The following PRIM2 variants were observed in gnomAD, a reference collection of about 807,000 sequenced individuals.
PRIM2 encodes the protein DNA primase subunit 2.
PRIM2 carries 39 observed loss-of-function variants against 67.3 expected under a neutral mutation model. The observed-to-expected ratio is 0.58, with a 90% CI of 0.45 to 0.76. The LOEUF (loss-of-function observed/expected upper bound fraction) is 0.76, where lower values mean the gene tolerates loss of function less well. Among genes scored for constraint, PRIM2 ranks in the 30% least tolerant of loss-of-function variants. PRIM2 has a pLI of 0.00. For missense variants in PRIM2, 398 were observed against 598.7 expected, an observed-to-expected ratio of 0.66 and a Z score of 3.50; for synonymous variants, 143 against 198.7, an observed-to-expected ratio of 0.72 and a Z score of 2.36.
chr6:57,608,375 A>G (rs1776598640), intron 12 of PRIM2, among the ~76,000 whole-genome samples: 1 of 152,166 alleles, frequency 6.6e-6, no homozygotes, highest in Non-Finnish European at 1.5e-5. Context: ...AATGGTGGAA[A>G]CCAAAAGCAA....
chr6:57,425,147 G>A (rs72873516), intron 7 of PRIM2, among the ~76,000 whole-genome samples: 5 of 152,128 alleles, frequency 3.3e-5, no homozygotes, highest in East Asian at 3.9e-4. Flanking sequence ...ATTATGCAGC[G>A]TGTATTTAAA....
In PRIM2 at chr6:57,574,356, G is replaced by A. The variant is rs1442151849; in HGVS notation, c.1021-26737G>A. 2.6e-5 allele frequency among the ~76,000 whole-genome samples: 4 copies of A among 151,652 alleles called. No homozygotes were observed. The East Asian group carries it at 5.9e-4, about 22-fold the overall frequency. ...TTGGGCCGCTGCCATTCTGTGGAGT[G>A]TGCTTTCACTACTATTGCCTCCCAC... On this transcript the variant is annotated intron_variant, in intron 10 of 13. Transcript: ENST00000615550.
At chr6:57,225,366 G>A in the PRIM2 span, among the ~76,000 whole-genome samples, 1 of 152,212 alleles carries the variant, frequency 6.6e-6, no homozygotes, top group Non-Finnish European at 1.5e-5. Flanking sequence ...ACTTGAGGCT[G>A]CTCTCAAGGA....
intron 13 of PRIM2, among the ~76,000 whole-genome samples, chr6:57,634,473 T>G (rs1355276406): frequency 6.6e-6 from 1 of 152,284 alleles, no homozygotes; most frequent in Non-Finnish European, 1.5e-5. Context: ...AGATAAGCCA[T>G]GTTTGGCAAC....
chr6:57,259,985 G>T, the PRIM2 span, among the ~76,000 whole-genome samples: 3 of 152,130 alleles, frequency 2.0e-5, no homozygotes, highest in Non-Finnish European at 2.9e-5. Flanking sequence ...GTGAGGCCTG[G>T]GTTGCAATTA....
intron 7 of PRIM2, among the ~76,000 whole-genome samples, chr6:57,469,508 G>C (rs1773286595): frequency 1.3e-5 from 2 of 152,192 alleles, no homozygotes; most frequent in African/African-American, 2.4e-5. Flanking sequence ...GTGATCTTAC[G>C]ATGTGAATTC....
At chr6:57,313,610 C>G (rs553505764), upstream of PRIM2, among the ~76,000 whole-genome samples, 3 of 152,028 alleles carry the variant, frequency 2.0e-5, no homozygotes, top group Non-Finnish European at 4.4e-5. Context: ...AGGTTGTTTC[C>G]CAGCCAACTC....
At chr6:57,474,407 C>G (rs1444644376) in intron 7 of PRIM2, among the ~76,000 whole-genome samples, 1 of 152,028 alleles carries the variant, frequency 6.6e-6, no homozygotes, top group Non-Finnish European at 1.5e-5. Context: ...ATCTCCTGAC[C>G]TCGTGATCTG....
At chr6:57,448,260 A>C (rs1434709997) in intron 7 of PRIM2, among the ~76,000 whole-genome samples, 1 of 152,250 alleles carries the variant, frequency 6.6e-6, no homozygotes, top group South Asian at 2.1e-4. Flanking sequence ...TTAATTTTCA[A>C]ATCAGCAAGG....
intron 7 of PRIM2, among the ~76,000 whole-genome samples, chr6:57,390,952 G>C (rs1770322787): frequency 6.6e-6 from 1 of 152,064 alleles, no homozygotes; most frequent in African/African-American, 2.4e-5. Flanking sequence ...GCTCTTTGAG[G>C]AATCAGTATA....
intron 7 of PRIM2, among the ~76,000 whole-genome samples, chr6:57,387,383 A>C (rs1581852961): frequency 6.6e-6 from 1 of 152,108 alleles, no homozygotes; most frequent in Non-Finnish European, 1.5e-5. Context: ...AGTCACTGAG[A>C]GAGAAAGGGG....
intron 7 of PRIM2, among the ~76,000 whole-genome samples, chr6:57,452,897 T>A (rs1422938925): frequency 2.0e-5 from 3 of 152,234 alleles, no homozygotes; most frequent in African/African-American, 7.2e-5. Flanking sequence ...TAGGTTTTCT[T>A]CTAGGGTTTT....
the PRIM2 span, among the ~76,000 whole-genome samples, chr6:57,298,777 G>C: frequency 6.6e-6 from 1 of 151,970 alleles, no homozygotes; most frequent in Non-Finnish European, 1.5e-5. Context: ...ATAACATAAA[G>C]AAAATGCATT....
chr6:57,523,020 T>C (rs1323113116), intron 8 of PRIM2, among the ~76,000 whole-genome samples: 4 of 152,294 alleles, frequency 2.6e-5, no homozygotes, highest in South Asian at 2.1e-4. Flanking sequence ...TATGTGATAG[T>C]ATGAAGAAGG....
chr6:57,522,491 T>C (rs1336739295), intron 8 of PRIM2, among the ~76,000 whole-genome samples: 3 of 152,194 alleles, frequency 2.0e-5, no homozygotes, highest in African/African-American at 7.2e-5. Context: ...ACATACCTTA[T>C]TTAACTCTTT....
In PRIM2 at chr6:57,514,630, T is replaced by C. The variant is rs1441425047; in HGVS notation, c.761+7176T>C. The stretch of plus-strand genomic sequence containing the variant: ...ATTAATAAATTAGAATATATTGTTT[T>C]CCATTGTCACCTTTGAATTACAATT... On this transcript the variant is annotated intron_variant, in intron 8 of 13. Transcript: ENST00000615550. Among the ~76,000 whole-genome samples, 188 of 152,266 alleles carry C rather than the reference T, an allele frequency of 1.2e-3. 5 individuals are homozygous for C. The East Asian group carries it at 0.015, about 12-fold the overall frequency.
intron 12 of PRIM2, among the ~76,000 whole-genome samples, chr6:57,627,047 G>A (rs1347711527): frequency 2.0e-5 from 3 of 151,434 alleles, no homozygotes; most frequent in Non-Finnish European, 4.4e-5. Context: ...TTTGGAGACC[G>A]AGGCTGGTGG....
chr6:57,566,540 A>T (rs1775745202), intron 10 of PRIM2, among the ~76,000 whole-genome samples: 3 of 152,292 alleles, frequency 2.0e-5, no homozygotes, highest in Non-Finnish European at 2.9e-5. Context: ...GAGTCTCAAA[A>T]AGGTTAAATG....
intron 7 of PRIM2, among the ~76,000 whole-genome samples, chr6:57,499,654 T>G (rs1774089020): frequency 1.3e-5 from 2 of 152,206 alleles, no homozygotes; most frequent in African/African-American, 4.8e-5. Flanking sequence ...CGGTCTTCAT[T>G]TCTGAAGGCT....
Sources: allele counts gnomAD v4.1 joint callset (sites outside exome capture counted in the v4.1 genomes callset), GRCh38; gene constraint gnomAD v4.1.1; transcripts MANE v1.5; gene names NCBI Gene and HGNC (gene_info 2026-07-23, HGNC 2026-07-21).